The following PLCB1 variants were observed in gnomAD, a reference collection of about 807,000 sequenced individuals.
The protein encoded by PLCB1 is 1-phosphatidylinositol 4,5-bisphosphate phosphodiesterase beta-1.
Under a neutral mutation model 161.8 loss-of-function variants are expected in PLCB1, and 46 were observed. The observed-to-expected ratio is 0.28, with a 90% CI of 0.22 to 0.36. PLCB1 has a LOEUF of 0.36. Among genes scored for constraint, PLCB1 ranks in the 10% least tolerant of loss-of-function variants. PLCB1 has a pLI of 1.00. For synonymous variants in PLCB1, 517 were observed against 503.7 expected, an observed-to-expected ratio of 1.03 and a Z score of -0.35; for missense variants, 1,016 against 1,472.5, an observed-to-expected ratio of 0.69 and a Z score of 5.07.
intron 2 of PLCB1, among the ~76,000 whole-genome samples, chr20:8,263,868 A>ATG (rs748414512): frequency 3.1e-4 from 47 of 152,146 alleles, no homozygotes; most frequent in Non-Finnish European, 5.9e-4. Flanking sequence ...TGGTGAGTGA[A>ATG]TGTGAAGGCC....
intron 8 of PLCB1, among the ~76,000 whole-genome samples, chr20:8,658,254 C>T (rs762996509): frequency 6.6e-6 from 1 of 151,992 alleles, no homozygotes; most frequent in Non-Finnish European, 1.5e-5. Context: ...AGTGGTGCAC[C>T]CTTATGCACA....
chr20:8,340,386 A>C (rs1436394466), intron 2 of PLCB1, among the ~76,000 whole-genome samples: 1 of 152,218 alleles, frequency 6.6e-6, no homozygotes, highest in African/African-American at 2.4e-5. Flanking sequence ...TGCATTTTCA[A>C]GGATTTTAAT....
At chr20:8,151,944 A>G (rs117632632) in intron 2 of PLCB1, among the ~76,000 whole-genome samples, 1,992 of 152,272 alleles carry the variant, frequency 0.013, 20 homozygotes, top group Non-Finnish European at 0.021. Context: ...AAAAGGGTTT[A>G]GGACCAAAGG....
intron 31 of PLCB1, among the ~76,000 whole-genome samples, chr20:8,869,560 C>G (rs948592389): frequency 3.3e-5 from 5 of 152,280 alleles, no homozygotes; most frequent in Middle Eastern, 3.4e-3. Context: ...AAATGGTAAA[C>G]AACTCATTTC....
rs189958983 is a variant in PLCB1 at position 8,785,725 on chromosome 20, G to A, written c.3112-2724G>A. On this transcript the variant is annotated intron_variant, in intron 27 of 31. Transcript: ENST00000338037. ...TCAGAACTGAGTGGGCAGAAGGTCTGTGAGTTCTCCAGCTTAGTCTCAATA... is the reference window on the plus strand; with the variant it reads ...TCAGAACTGAGTGGGCAGAAGGTCTATGAGTTCTCCAGCTTAGTCTCAATA... Among the ~76,000 whole-genome samples, 863 of 152,228 alleles carry A rather than the reference G, an allele frequency of 5.7e-3. 4 individuals carry two copies. The highest frequency in any genetic ancestry group is 8.9e-3 in the Non-Finnish European group (608 of 68,002).
chr20:8,357,736 T>C (rs1413894276), intron 2 of PLCB1, among the ~76,000 whole-genome samples: 1 of 152,200 alleles, frequency 6.6e-6, no homozygotes, highest in Non-Finnish European at 1.5e-5. Context: ...TCAAAGAAAT[T>C]CTGCCCTGCG....
intron 2 of PLCB1, among the ~76,000 whole-genome samples, chr20:8,169,141 C>T (rs913370761): frequency 6.6e-6 from 1 of 151,986 alleles, no homozygotes; most frequent in Admixed American, 6.6e-5. Context: ...AAGGCCATTA[C>T]CTAGTGAATG....
At chr20:8,323,262 T>C (rs1984994556) in intron 2 of PLCB1, among the ~76,000 whole-genome samples, 1 of 152,230 alleles carries the variant, frequency 6.6e-6, no homozygotes, top group Non-Finnish European at 1.5e-5. Context: ...ATACACAATG[T>C]TCCAATTATC....
intron 2 of PLCB1, among the ~76,000 whole-genome samples, chr20:8,164,123 T>C (rs372581779): frequency 9.0e-4 from 137 of 152,328 alleles, no homozygotes; most frequent in African/African-American, 3.0e-3. Flanking sequence ...AAAAGGCTAT[T>C]ATTCCAAAGT....
At chr20:8,618,568 A>T (rs945489598) in intron 3 of PLCB1, among the ~76,000 whole-genome samples, 68 of 152,208 alleles carry the variant, frequency 4.5e-4, no homozygotes, top group Non-Finnish European at 8.8e-5. Context: ...ATCATATAAC[A>T]TAACTAACAA....
intron 31 of PLCB1, among the ~76,000 whole-genome samples, chr20:8,851,226 A>C (rs1342477885): frequency 1.3e-5 from 2 of 152,182 alleles, no homozygotes; most frequent in Non-Finnish European, 1.5e-5. Flanking sequence ...AGTCACCATC[A>C]CTGTTTGTTA....
chr20:8,182,989 G>GT (rs10542592), intron 2 of PLCB1, among the ~76,000 whole-genome samples: 10 of 152,110 alleles, frequency 6.6e-5, no homozygotes, highest in South Asian at 2.1e-4. Flanking sequence ...AAAAAGAACT[G>GT]TTTTTTTTGG....
rs115943263 is a variant in PLCB1, at chr20:8,157,016, G to C, written c.177+6645G>C. Among the ~76,000 whole-genome samples the C allele has an allele frequency of 2.7e-3, 415 of 152,186 alleles. 1 individual carries two copies. The highest frequency in any genetic ancestry group is 9.0e-3 in the African/African-American group (374 of 41,546). ...TTCTTCTTCAAGGCAACACTGACTT[G>C]TTTTCTATTTAGACTCTGCTGTGGT... is the stretch of plus-strand genomic sequence containing the variant. On this transcript the variant is annotated intron_variant, in intron 2 of 31. Transcript: ENST00000338037.
At chr20:8,735,881 A>T (rs1382213712) in intron 19 of PLCB1, among the ~76,000 whole-genome samples, 1 of 152,182 alleles carries the variant, frequency 6.6e-6, no homozygotes, top group Non-Finnish European at 1.5e-5. Flanking sequence ...AGCCTTCCTG[A>T]TGACTTTCTC....
chr20:8,412,844 A>G (rs187061130), intron 3 of PLCB1, among the ~76,000 whole-genome samples: 136 of 152,260 alleles, frequency 8.9e-4, no homozygotes, highest in African/African-American at 3.2e-3. Context: ...AACATGGAGG[A>G]AACACAGCAT....
At chr20:8,787,229 C>T (rs1983531603) in intron 27 of PLCB1, among the ~76,000 whole-genome samples, 1 of 152,152 alleles carries the variant, frequency 6.6e-6, no homozygotes, top group Non-Finnish European at 1.5e-5. Flanking sequence ...TAGTGTGCTT[C>T]CCACCTTGCA....
rs141492786 is a variant in PLCB1, at chr20:8,581,096, G to A, written c.247-47198G>A. ...AGGAACAATTCATGAGTCTTAAGCA[G>A]AGAAATAATATAAACAACCTGCCTG... On this transcript the variant is annotated intron_variant, in intron 3 of 31. Coordinates refer to ENST00000338037, the MANE Select transcript of PLCB1 (RefSeq NM_015192.4). 2.9e-3 allele frequency among the ~76,000 whole-genome samples: 448 copies of A among 152,292 alleles called. 2 individuals are homozygous for A. The highest frequency in any genetic ancestry group is 0.01 in the African/African-American group (429 of 41,552).
intron 16 of PLCB1, among the ~76,000 whole-genome samples, chr20:8,725,551 A>G (rs1022650256): frequency 6.6e-6 from 1 of 152,174 alleles, no homozygotes. Context: ...ATAATCTTAC[A>G]AAAAGTCTTC....
intron 10 of PLCB1, among the ~76,000 whole-genome samples, chr20:8,693,344 G>T (rs936551945): frequency 3.3e-5 from 5 of 152,178 alleles, no homozygotes; most frequent in African/African-American, 1.2e-4. Flanking sequence ...CATGGCAACT[G>T]CTCTGTGTTC....
Sources: allele counts gnomAD v4.1 joint callset (sites outside exome capture counted in the v4.1 genomes callset), GRCh38; gene constraint gnomAD v4.1.1; transcripts MANE v1.5; gene names NCBI Gene and HGNC (gene_info 2026-07-23, HGNC 2026-07-21).